The following TAF12 variants were observed in gnomAD, a reference collection of about 807,000 sequenced individuals.
TAF12 encodes transcription initiation factor TFIID subunit 12.
In TAF12, 3 loss-of-function variants were observed where a neutral mutation model predicts 20.8. The observed-to-expected ratio is 0.14, with a 90% CI of 0.07 to 0.37. The LOEUF is 0.37. Ranked by LOEUF, TAF12 falls within the 10% of genes least tolerant of loss-of-function variation. TAF12 has a pLI of 1.00. For synonymous variants in TAF12, 69 were observed against 70.2 expected (o/e 0.98, Z 0.09); for missense variants, 131 against 197.9 (o/e 0.66, Z 2.03).
At chr1:28,630,663 C>A (rs1175687743) in intron 1 of TAF12, among the ~76,000 whole-genome samples, 1 of 151,906 alleles carries the variant, frequency 6.6e-6, no homozygotes, top group Admixed American at 6.6e-5. Context: ...TTCTTAGATA[C>A]AATATCAAAA....
chr1:28,604,002 T>C (rs1362765853), intron 5 of TAF12, among the ~76,000 whole-genome samples: 1 of 151,948 alleles, frequency 6.6e-6, no homozygotes, highest in African/African-American at 2.4e-5. Context: ...CCTCCCAAGT[T>C]CAAGTGATTC....
intron 3 of TAF12, 45 bp downstream of exon 3, chr1:28,617,908 C>T (rs773820017): frequency 1.9e-6 from 3 of 1,561,106 alleles, no homozygotes; most frequent in Admixed American, 1.7e-5. Context: ...CTATGCTATA[C>T]CGGTTCTCAG....
At chr1:28,642,768 C>T in intron 1 of TAF12, 1 of 985,454 alleles carries the variant, frequency 1.0e-6, no homozygotes, top group Middle Eastern at 5.2e-4. Context: ...TGCCGGAGAA[C>T]TCGCATCCGT....
intron 3 of TAF12, among the ~76,000 whole-genome samples, chr1:28,615,176 T>C (rs1015538224): frequency 1.3e-5 from 2 of 152,116 alleles, no homozygotes; most frequent in African/African-American, 4.8e-5. Context: ...TCAGTCAATA[T>C]AGTCCCCATG....
At chr1:28,627,025 T>G (rs1386903651) in intron 1 of TAF12, among the ~76,000 whole-genome samples, 1 of 152,198 alleles carries the variant, frequency 6.6e-6, no homozygotes, top group Admixed American at 6.5e-5. Flanking sequence ...TTTTTTGTTG[T>G]TTCCAGTGAA....
At chr1:28,604,448 C>T (rs554780731) in intron 5 of TAF12, among the ~76,000 whole-genome samples, 5 of 152,222 alleles carry the variant, frequency 3.3e-5, no homozygotes, top group Non-Finnish European at 7.3e-5. Flanking sequence ...GCCAAATTAA[C>T]AACTTACTTT....
intron 2 of TAF12, among the ~76,000 whole-genome samples, chr1:28,619,089 C>T (rs767358990): frequency 2.6e-5 from 4 of 152,016 alleles, no homozygotes; most frequent in East Asian, 3.9e-4. Flanking sequence ...CAGTGGCTCA[C>T]GCCTGTAATC....
At chr1:28,622,805 G>A (rs1241826050) in intron 1 of TAF12, among the ~76,000 whole-genome samples, 3 of 152,038 alleles carry the variant, frequency 2.0e-5, no homozygotes, top group Non-Finnish European at 4.4e-5. Context: ...TAGATCACCT[G>A]AGGTCAGGAG....
chr1:28,629,690 G>T (rs1488032591), intron 1 of TAF12, among the ~76,000 whole-genome samples: 1 of 151,982 alleles, frequency 6.6e-6, no homozygotes, highest in African/African-American at 2.4e-5. Context: ...GCCCAGGCTG[G>T]AGTGCAGTGG....
intron 1 of TAF12, among the ~76,000 whole-genome samples, chr1:28,633,634 G>A (rs1021901976): frequency 2.6e-5 from 4 of 151,054 alleles, no homozygotes; most frequent in Non-Finnish European, 4.4e-5. Flanking sequence ...AAAATTAGCC[G>A]GGTATGTTGG....
chr1:28,623,882 G>A (rs1667299497), intron 1 of TAF12: 5 of 832,790 alleles, frequency 6.0e-6, no homozygotes, highest in Non-Finnish European at 7.2e-6. Context: ...CGTCAGCTTG[G>A]GTGTCATCAC....
chr1:28,613,279 G>C lies in TAF12; in HGVS notation c.329C>G (p.Thr110Ser). ...CQLARHRKSSTLEVKDVQLHL... is the reference protein window; with the variant it reads ...CQLARHRKSSSLEVKDVQLHL... Reference sequence around the variant, plus strand: ...CAGCTGGACATCTTTCACCTCCAGGGTGCTAGACTTGCGATGCCGCGCAAG... The same window carrying C: ...CAGCTGGACATCTTTCACCTCCAGGCTGCTAGACTTGCGATGCCGCGCAAG... Residue 110 changes from threonine to serine, a missense_variant, in exon 4 of 6, where the codon ACC becomes AGC. Around this residue, in one of 3 missense-constraint regions of TAF12, gnomAD observed 60 missense variants for 90.2 expected, o/e 0.66. Coordinates refer to ENST00000373824, the MANE Select transcript of TAF12 (RefSeq NM_005644.4). 6.2e-7 allele frequency: 1 copy of C among 1,612,260 alleles called. No homozygotes were observed. The highest frequency in any genetic ancestry group is 8.5e-7 in the Non-Finnish European group (1 of 1,179,340).
chr1:28,633,535 G>C (rs548807281), intron 1 of TAF12, among the ~76,000 whole-genome samples: 14 of 151,522 alleles, frequency 9.2e-5, no homozygotes, highest in South Asian at 2.1e-4. Context: ...CCAGCACTTT[G>C]GGAGGCTGAG....
intron 2 of TAF12, among the ~76,000 whole-genome samples, chr1:28,621,635 C>T (rs2124337452): frequency 6.6e-6 from 1 of 152,188 alleles, no homozygotes; most frequent in East Asian, 1.9e-4. Context: ...AATTAATAAA[C>T]ATTGTACATG....
chr1:28,636,628 A>C (rs561122043), intron 1 of TAF12, among the ~76,000 whole-genome samples: 1 of 151,746 alleles, frequency 6.6e-6, no homozygotes, highest in East Asian at 1.9e-4. Flanking sequence ...GGTCACTACA[A>C]ATAAAAAAAA....
upstream of TAF12, among the ~76,000 whole-genome samples, chr1:28,646,561 G>C (rs568147285): frequency 2.6e-5 from 4 of 151,870 alleles, no homozygotes; most frequent in South Asian, 8.3e-4. Context: ...GACGGAGTTC[G>C]CTCTTGTTGC....
At chr1:28,613,839 G>A (rs1307722743) in intron 3 of TAF12, among the ~76,000 whole-genome samples, 1 of 152,212 alleles carries the variant, frequency 6.6e-6, no homozygotes, top group African/African-American at 2.4e-5. Context: ...CAGGTACAAT[G>A]GCTCATGCCT....
At chr1:28,632,173 C>A (rs1162597244) in intron 1 of TAF12, among the ~76,000 whole-genome samples, 2 of 152,172 alleles carry the variant, frequency 1.3e-5, no homozygotes, top group East Asian at 3.9e-4. Flanking sequence ...TACAGTGGCT[C>A]ACATCTGCAA....
upstream of TAF12, chr1:28,648,095 C>T (rs960537850): frequency 1.1e-6 from 1 of 908,144 alleles, no homozygotes; most frequent in African/African-American, 1.8e-5. Flanking sequence ...CTTGTGCTTC[C>T]ACTGCACGCC....
Sources: allele counts gnomAD v4.1 joint callset (sites outside exome capture counted in the v4.1 genomes callset), GRCh38; gene constraint gnomAD v4.1.1; regional missense constraint gnomAD v4.1.1; transcripts MANE v1.5; gene names NCBI Gene and HGNC (gene_info 2026-07-23, HGNC 2026-07-21).